DCC: variants seen among roughly 807,000 people sequenced by gnomAD.
The protein encoded by DCC is netrin receptor DCC.
DCC carries 58 observed loss-of-function variants against 172.5 expected under a neutral mutation model. That is an observed-to-expected ratio of 0.34 (90% CI 0.27 to 0.42). The LOEUF (loss-of-function observed/expected upper bound fraction) is 0.42, where lower values mean the gene tolerates loss of function less well. Ranked by LOEUF, DCC falls within the 10% of genes least tolerant of loss-of-function variation. The pLI, the probability that DCC is intolerant of heterozygous loss-of-function variation, is 1.00. For synonymous variants in DCC, 709 were observed against 644.5 expected, an observed-to-expected ratio of 1.10 and a Z score of -1.52; for missense variants, 1,740 against 1,791.0, an observed-to-expected ratio of 0.97 and a Z score of 0.51.
At chr18:53,151,966 A>C (rs2054648295) in intron 7 of DCC, among the ~76,000 whole-genome samples, 1 of 152,190 alleles carries the variant, frequency 6.6e-6, no homozygotes, top group Admixed American at 6.5e-5. Context: ...GACAATAAAA[A>C]GCTAGAGTTT....
At chr18:52,699,416 C>A (rs573173047) in intron 1 of DCC, among the ~76,000 whole-genome samples, 19 of 152,316 alleles carry the variant, frequency 1.2e-4, no homozygotes, top group East Asian at 9.6e-4. Flanking sequence ...CTATCCCCCC[C>A]AAGGTTTGAC....
chr18:52,718,266 T>C (rs2036419581), intron 1 of DCC, among the ~76,000 whole-genome samples: 1 of 152,204 alleles, frequency 6.6e-6, no homozygotes, highest in South Asian at 2.1e-4. Context: ...GACTGGGGTA[T>C]TGGTCACAAG....
intron 2 of DCC, among the ~76,000 whole-genome samples, chr18:52,835,064 A>T (rs2038681378): frequency 6.6e-6 from 1 of 152,214 alleles, no homozygotes; most frequent in African/African-American, 2.4e-5. Flanking sequence ...ATAGGCAAAC[A>T]GCTTTTTAAA....
chr18:53,097,906 C>G (rs973722778), intron 7 of DCC, among the ~76,000 whole-genome samples: 2 of 152,038 alleles, frequency 1.3e-5, no homozygotes, highest in Non-Finnish European at 2.9e-5. Flanking sequence ...CTCACTTAAC[C>G]TTAATTACCT....
chr18:53,370,834 C>T (rs777004236), intron 15 of DCC, among the ~76,000 whole-genome samples: 38 of 151,870 alleles, frequency 2.5e-4, no homozygotes, highest in Middle Eastern at 3.4e-3. Flanking sequence ...GAGTGTTCTA[C>T]ATATGCCTGT....
At chr18:53,080,404 C>T (rs2042783364) in intron 7 of DCC, among the ~76,000 whole-genome samples, 1 of 152,090 alleles carries the variant, frequency 6.6e-6, no homozygotes. Context: ...CTGACAATGA[C>T]AGACTCTCAA....
At chr18:52,641,710 AAAAC>A (rs1568269341) in intron 1 of DCC, among the ~76,000 whole-genome samples, 1 of 152,060 alleles carries the variant, frequency 6.6e-6, no homozygotes. Flanking sequence ...AAAAATAAAA[AAAAC>A]AGTAGATGGT....
At chr18:53,395,245 G>C (rs1301178687) in intron 17 of DCC, among the ~76,000 whole-genome samples, 7 of 151,846 alleles carry the variant, frequency 4.6e-5, no homozygotes, top group Admixed American at 1.3e-4. Context: ...AGTATTTCTA[G>C]GCTTTTTTAA....
chr18:52,761,035 C>G (rs2037151922), intron 2 of DCC, among the ~76,000 whole-genome samples: 1 of 152,142 alleles, frequency 6.6e-6, no homozygotes, highest in Admixed American at 6.5e-5. Flanking sequence ...ATACATTGGT[C>G]ATTGTATTAG....
chr18:52,709,491 A>C (rs1490761075), intron 1 of DCC, among the ~76,000 whole-genome samples: 2 of 152,212 alleles, frequency 1.3e-5, no homozygotes, highest in Non-Finnish European at 2.9e-5. Context: ...CAAGAGGCTC[A>C]TGTCAGTCAG....
intron 12 of DCC, among the ~76,000 whole-genome samples, chr18:53,279,139 G>A (rs889846737): frequency 2.6e-5 from 4 of 152,122 alleles, no homozygotes; most frequent in Non-Finnish European, 4.4e-5. Flanking sequence ...TTGTGGTTTT[G>A]ATTTGCATTT....
chr18:52,999,208 T>C (rs1408032519), intron 5 of DCC, among the ~76,000 whole-genome samples: 1 of 152,060 alleles, frequency 6.6e-6, no homozygotes, highest in Non-Finnish European at 1.5e-5. Flanking sequence ...ACATTTTTTT[T>C]TTGTATTTTT....
chr18:53,211,949 G>A (rs887165407), intron 11 of DCC, among the ~76,000 whole-genome samples: 14 of 152,232 alleles, frequency 9.2e-5, no homozygotes, highest in African/African-American at 3.4e-4. Flanking sequence ...TCGGAAGGCT[G>A]AGGCAGGAGA....
chr18:53,240,048 A>G (rs1021376918), intron 12 of DCC, among the ~76,000 whole-genome samples: 1 of 148,306 alleles, frequency 6.7e-6, no homozygotes, highest in Non-Finnish European at 1.5e-5. Flanking sequence ...AAAAAAAAAA[A>G]AACAACAAAA....
intron 5 of DCC, among the ~76,000 whole-genome samples, chr18:53,016,208 A>G (rs973382589): frequency 5.3e-5 from 8 of 152,160 alleles, no homozygotes; most frequent in Non-Finnish European, 8.8e-5. Context: ...AGCTGCAAGT[A>G]CATTCTTAAT....
At chr18:53,086,376 TTCC>T (rs1476491595) in intron 7 of DCC, among the ~76,000 whole-genome samples, 1 of 36,262 alleles carries the variant, frequency 2.8e-5, no homozygotes, top group Non-Finnish European at 5.0e-5. Flanking sequence ...CTTCTTCTTC[TTCC>T]TTTCTTCTTC....
chr18:52,505,057 T>G (rs982984), intron 1 of DCC, among the ~76,000 whole-genome samples: 1 of 152,182 alleles, frequency 6.6e-6, no homozygotes, highest in Non-Finnish European at 1.5e-5. Context: ...CAAGAGTTTT[T>G]ACAGAGCACC....
intron 1 of DCC, among the ~76,000 whole-genome samples, chr18:52,408,610 T>G (rs763837803): frequency 9.9e-5 from 15 of 152,082 alleles, no homozygotes; most frequent in Non-Finnish European, 1.6e-4. Flanking sequence ...TGCACATTAA[T>G]GCAGTTTGGA....
In DCC at chr18:53,533,081, A is replaced by G. The variant is rs992780860; in HGVS notation, c.*2428A>G. The G allele has an allele frequency of 6.6e-6, 1 of 152,210 alleles. No homozygotes were observed. The highest frequency in any genetic ancestry group is 1.5e-5 in the Non-Finnish European group (1 of 68,034). 9.4% of individuals were successfully genotyped at this position (152,210 alleles called of 1,614,324 possible). On this transcript the variant is annotated 3_prime_UTR_variant, in exon 29 of 29. Coordinates refer to ENST00000442544, the MANE Select transcript of DCC (RefSeq NM_005215.4). The stretch of plus-strand genomic sequence containing the variant: ...TTAAACATCCTCAAAAAACTCTAGT[A>G]TCATTTACCTGGTAGTATTAATATA...
Sources: gnomAD v4.1 joint callset for allele counts (sites outside exome capture counted in the v4.1 genomes callset) on GRCh38, gnomAD v4.1.1 for gene constraint, MANE v1.5 for transcripts, NCBI Gene and HGNC (gene_info 2026-07-23, HGNC 2026-07-21) for gene names.